Variants in AKR1B15 observed in about 807,000 individuals in gnomAD.
AKR1B15 encodes the protein aldo-keto reductase family 1 member B15.
Under a neutral mutation model 38.5 loss-of-function variants are expected in AKR1B15, and 49 were observed. The ratio of observed to expected loss-of-function variants is 1.27; its 90% CI spans 1.01 to 1.62. The LOEUF is 1.62. Ranked by LOEUF, AKR1B15 falls within the 40% of genes most tolerant of loss-of-function variation. The pLI, the probability that AKR1B15 is intolerant of heterozygous loss-of-function variation, is 0.00. For missense variants in AKR1B15, 411 were observed against 381.6 expected, an observed-to-expected ratio of 1.08 and a Z score of -0.64; for synonymous variants, 137 against 135.5, an observed-to-expected ratio of 1.01 and a Z score of -0.08.
At chr7:134,571,575 C>G (rs1264689628) in intron 5 of AKR1B15, 29 bp from the exon 6 acceptor site, 1 of 1,561,358 alleles carries the variant, frequency 6.4e-7, no homozygotes, top group Admixed American at 1.7e-5. Context: ...GATGCAGATT[C>G]CAGTAAACTT....
intron 3 of AKR1B15, among the ~76,000 whole-genome samples, chr7:134,566,019 TGTGG>T (rs1443803606): frequency 4.9e-4 from 74 of 152,008 alleles, no homozygotes; most frequent in African/African-American, 1.6e-3. Context: ...ACTGGCTGGG[TGTGG>T]TGGCTCATGC....
chr7:134,566,754 T>C (rs992885991), intron 3 of AKR1B15, among the ~76,000 whole-genome samples: 1 of 152,124 alleles, frequency 6.6e-6, no homozygotes, highest in Non-Finnish European at 1.5e-5. Flanking sequence ...AGCTGGAGGG[T>C]AGGACCCTCT....
chr7:134,552,227 A>G (rs1353495965), intron 1 of AKR1B15, among the ~76,000 whole-genome samples: 1 of 152,074 alleles, frequency 6.6e-6, no homozygotes, highest in Non-Finnish European at 1.5e-5. Flanking sequence ...TTCTCGGCCC[A>G]ACAAACTCAC....
intron 1 of AKR1B15, among the ~76,000 whole-genome samples, chr7:134,553,120 G>A (rs1794047630): frequency 6.6e-6 from 1 of 152,148 alleles, no homozygotes; most frequent in South Asian, 2.1e-4. Context: ...GCACTCACCA[G>A]TGCTCGAAAG....
intron 6 of AKR1B15, chr7:134,573,424 T>C (rs1794704144): frequency 1.0e-6 from 1 of 985,414 alleles, no homozygotes. Flanking sequence ...CTCACAGTGC[T>C]ATGTTTTCTT....
At position 134,575,444 on chromosome 7, in the gene AKR1B15, G is replaced by T; in HGVS notation, c.538G>T (p.Gly180Trp). The T allele has an allele frequency of 6.2e-7, 1 of 1,613,806 alleles. No homozygotes were observed. The highest frequency in any genetic ancestry group is 8.5e-7 in the Non-Finnish European group (1 of 1,179,806). ...WEAMEELVDE[G>W]LVKALGVSNF... ...GGCCATGGAGGAGCTGGTGGACGAG[G>T]GGCTGGTGAAAGCCCTTGGGGTCTC... The change falls in exon 7 of 12, where the codon GGG (glycine) becomes TGG (tryptophan). Residue 180 changes from glycine to tryptophan, a missense_variant. By Grantham distance (184) the Gly-to-Trp change is radical. Around this residue, in one of 3 missense-constraint regions of AKR1B15, gnomAD observed 254 missense variants for 212.4 expected, o/e 1.20. Coordinates refer to ENST00000457545, the MANE Select transcript of AKR1B15 (RefSeq NM_001080538.3).
chr7:134,563,650 T>C (rs1794470521), intron 2 of AKR1B15, among the ~76,000 whole-genome samples: 1 of 152,192 alleles, frequency 6.6e-6, no homozygotes. Flanking sequence ...GATTGTAAAG[T>C]CACCAATCAG....
intron 1 of AKR1B15, among the ~76,000 whole-genome samples, chr7:134,553,302 G>A (rs1368105078): frequency 5.9e-5 from 9 of 152,208 alleles, no homozygotes; most frequent in African/African-American, 1.9e-4. Context: ...AGAAGAACAG[G>A]CTTTTCAAAA....
rs1470098186 is a variant in AKR1B15 at position 134,575,979 on chromosome 7, T to G, written c.743+52T>G. ...CTCTTGATAATCTTAAAAACATTAT[T>G]TTATAATTGGTAAATGTCGGTATGG... On this transcript the variant is annotated intron_variant, in intron 8 of 11. Transcript: ENST00000457545. 6 of 1,588,864 alleles carry G rather than the reference T, an allele frequency of 3.8e-6. No homozygotes were observed. In the African/African-American group the frequency reaches 8.1e-5, roughly 21 times the overall value.
At chr7:134,577,280 T>C (rs922457722) in intron 10 of AKR1B15, among the ~76,000 whole-genome samples, 16 of 152,162 alleles carry the variant, frequency 1.1e-4, no homozygotes, top group African/African-American at 3.1e-4. Flanking sequence ...TGAGCACAGT[T>C]GTGCCTCACA....
intron 11 of AKR1B15, among the ~76,000 whole-genome samples, chr7:134,578,652 C>A (rs1794815688): frequency 6.6e-6 from 1 of 152,192 alleles, no homozygotes; most frequent in African/African-American, 2.4e-5. Context: ...AATTCAATGG[C>A]AATTTGAATT....
intron 2 of AKR1B15, among the ~76,000 whole-genome samples, chr7:134,561,642 A>G (rs1794396188): frequency 6.6e-6 from 1 of 152,180 alleles, no homozygotes; most frequent in Non-Finnish European, 1.5e-5. Context: ...TAGAGATTCA[A>G]TTCCATTTCA....
At chr7:134,575,149 T>G (rs768542109) in intron 6 of AKR1B15, among the ~76,000 whole-genome samples, 1 of 152,240 alleles carries the variant, frequency 6.6e-6, no homozygotes, top group South Asian at 2.1e-4. Context: ...CTATAATTTT[T>G]TATGTGTTTC....
intron 2 of AKR1B15, among the ~76,000 whole-genome samples, chr7:134,562,894 CTTT>C (rs780234745): frequency 3.2e-4 from 44 of 136,128 alleles, no homozygotes; most frequent in African/African-American, 1.4e-3. Context: ...TTCTTTCCTT[CTTT>C]CTTCCTTCCT....
chr7:134,575,450 G>C lies in AKR1B15; in HGVS notation c.544G>C (p.Val182Leu). Reference protein sequence around the residue: ...AMEELVDEGLVKALGVSNFNH... With the variant: ...AMEELVDEGLLKALGVSNFNH... ...GGAGGAGCTGGTGGACGAGGGGCTG[G>C]TGAAAGCCCTTGGGGTCTCAAATTT... is the stretch of plus-strand genomic sequence containing the variant. Residue 182 changes from valine (V) to leucine (L), a missense_variant, in exon 7 of 12, where the codon GTG becomes CTG. Transcript: ENST00000457545. 6.2e-7 allele frequency: 1 copy of C among 1,613,870 alleles called. No homozygotes were observed. The highest frequency in any genetic ancestry group is 8.5e-7 in the Non-Finnish European group (1 of 1,179,820).
intron 1 of AKR1B15, among the ~76,000 whole-genome samples, chr7:134,553,238 C>G (rs535902858): frequency 1.3e-5 from 2 of 152,306 alleles, no homozygotes; most frequent in South Asian, 4.1e-4. Flanking sequence ...TGGAAATTGC[C>G]AAACCCCTGT....
chr7:134,551,778 T>C (rs374416240), intron 1 of AKR1B15, among the ~76,000 whole-genome samples: 8 of 152,240 alleles, frequency 5.3e-5, no homozygotes, highest in African/African-American at 1.9e-4. Context: ...GACTCCCCTA[T>C]AAAGAAACCA....
In AKR1B15 at chr7:134,569,501, A is replaced by G. The variant is rs376986460; in HGVS notation, c.407A>G (p.Tyr136Cys). The part of the protein sequence containing the change: ...KDLKLSYLDV[Y>C]LIHWPQGFKT... ...CTGAAGCTGAGCTATCTGGACGTCT[A>G]TCTTATTCACTGGCCACAGGGATTC... Residue 136 changes from tyrosine (Y) to cysteine (C), a missense_variant, in exon 5 of 12, where the codon TAT (tyrosine) becomes TGT (cysteine). Tyr to Cys is a radical substitution (Grantham distance 194, BLOSUM62 -2). Transcript: ENST00000457545. The G allele has an allele frequency of 7.4e-6, 12 of 1,613,970 alleles. No individual in the cohort carries two copies. In the Admixed American group the frequency reaches 1.0e-4, roughly 13 times the overall value.
At position 134,552,331 on chromosome 7, in the gene AKR1B15, C is replaced by T. The variant is rs545482077; in HGVS notation, c.-147+3082C>T. Among the ~76,000 whole-genome samples, 4 of 152,240 alleles carry T rather than the reference C, an allele frequency of 2.6e-5. No homozygotes were observed. The South Asian group carries it at 6.2e-4, about 24-fold the overall frequency. ...TCTCTTAGTTTCACCCTCACAACTG[C>T]CGGAGAATAAAAGTAATCCTCTCCT... is the stretch of plus-strand genomic sequence containing the variant. On this transcript the variant is annotated intron_variant, in intron 1 of 11. Transcript: ENST00000457545.
Sources: allele counts gnomAD v4.1 joint callset (sites outside exome capture counted in the v4.1 genomes callset), GRCh38; gene constraint gnomAD v4.1.1; regional missense constraint gnomAD v4.1.1; transcripts MANE v1.5; gene names NCBI Gene and HGNC (gene_info 2026-07-23, HGNC 2026-07-21).